Variants in DEFB110 observed in about 807,000 individuals in gnomAD.
DEFB110 encodes the protein beta-defensin 110.
A neutral mutation model predicts 2.5 loss-of-function variants in DEFB110; 4 were observed. The observed-to-expected ratio is 1.60, with a 90% CI of 0.79 to 3.66. The LOEUF is 3.66. Among genes scored for constraint, DEFB110 ranks in the 30% most tolerant of loss-of-function variants. DEFB110 has a pLI of 0.01. For missense variants in DEFB110, 94 were observed against 75.4 expected (o/e 1.25, Z -0.91); for synonymous variants, 29 against 21.8 (o/e 1.33, Z -0.92).
chr6:50,009,154 C>G, exon 2 of DEFB110: 1 of 1,610,368 alleles, frequency 6.2e-7, no homozygotes, highest in Non-Finnish European at 8.5e-7. Flanking sequence ...GCAGCACTGA[C>G]TTCTCCATTT....
At chr6:50,011,874 T>A (rs1774234490) in intron 1 of DEFB110, among the ~76,000 whole-genome samples, 1 of 152,026 alleles carries the variant, frequency 6.6e-6, no homozygotes, top group African/African-American at 2.4e-5. Context: ...AGGCCGTGGG[T>A]CAGTTGAAAG....
chr6:50,016,100 G>A (rs1456371576), downstream of DEFB110, among the ~76,000 whole-genome samples: 1 of 151,728 alleles, frequency 6.6e-6, no homozygotes, highest in African/African-American at 2.4e-5. Flanking sequence ...TTGCTAATTG[G>A]AATTAGATTT....
chr6:50,010,003 C>G (rs1582362594), intron 1 of DEFB110, among the ~76,000 whole-genome samples: 1 of 151,992 alleles, frequency 6.6e-6, no homozygotes, highest in South Asian at 2.1e-4. Flanking sequence ...TTTATTGTTC[C>G]TAGTGATACA....
chr6:50,021,969 A>T lies in DEFB110; in HGVS notation c.-34T>A. On this transcript the variant is annotated 5_prime_UTR_variant, in exon 1 of 2. Coordinates refer to ENST00000371148, the MANE Select transcript of DEFB110 (RefSeq NM_001037497.2). The stretch of plus-strand genomic sequence containing the variant: ...GTTTCTTAAAAAAAGGGGGCAACAG[A>T]CCTCCTTTTTCAAGTCAGTTGTTTT... 6.7e-7 allele frequency: 1 copy of T among 1,503,596 alleles called. No homozygotes were observed. The highest frequency in any genetic ancestry group is 2.5e-5 in the East Asian group (1 of 40,388). The allele number at this position is 1,503,596 out of a possible 1,614,324, so 93.1% of individuals were successfully genotyped here. A position where few individuals can be genotyped will look rare whatever the true frequency, so the allele number is the denominator to read the frequency against.
intron 1 of DEFB110, among the ~76,000 whole-genome samples, chr6:50,011,445 T>C (rs1299890581): frequency 6.6e-6 from 1 of 152,048 alleles, no homozygotes; most frequent in East Asian, 1.9e-4. Context: ...TTTGGGGCCT[T>C]AGTCAGGAGA....
chr6:50,010,384 G>C (rs1455388701), intron 1 of DEFB110, among the ~76,000 whole-genome samples: 1 of 151,748 alleles, frequency 6.6e-6, no homozygotes. Flanking sequence ...TTAGTACCTA[G>C]TATTCACCAG....
Position 50,018,951 on chromosome 6 carries a change from C to G in DEFB110, c.*26G>C. 2 of 1,598,760 alleles carry G rather than the reference C, an allele frequency of 1.3e-6. No individual in the cohort carries two copies. Among genetic ancestry groups the G allele is most frequent in the South Asian group, 1.1e-5 (1 of 88,514 alleles). ...ATAACGCTGGTCTCTCTTCTTGGAG[C>G]TTGTGACTCTTTTCTTCTGTCATCG... is the stretch of plus-strand genomic sequence containing the variant. On this transcript the variant is annotated 3_prime_UTR_variant, in exon 2 of 2. Coordinates refer to ENST00000371148, the MANE Select transcript of DEFB110 (RefSeq NM_001037497.2).
chr6:50,020,388 A>G (rs1774398730), intron 1 of DEFB110, among the ~76,000 whole-genome samples: 1 of 151,566 alleles, frequency 6.6e-6, no homozygotes, highest in Admixed American at 6.6e-5. Flanking sequence ...TTTATTTTAT[A>G]TTTTAAATTG....
chr6:50,016,690 T>C (rs1159108712), downstream of DEFB110, among the ~76,000 whole-genome samples: 1 of 151,786 alleles, frequency 6.6e-6, no homozygotes, highest in African/African-American at 2.4e-5. Context: ...TCAGTCTTTT[T>C]TTCACGCAGA....
intron 1 of DEFB110, chr6:50,009,353 C>G: frequency 7.0e-7 from 1 of 1,428,340 alleles, no homozygotes; most frequent in Non-Finnish European, 9.3e-7. Context: ...AAAAACTGTT[C>G]CAGTTATGAG....
chr6:50,018,082 AG>A (rs1488552717), downstream of DEFB110, among the ~76,000 whole-genome samples: 1 of 151,962 alleles, frequency 6.6e-6, no homozygotes, highest in African/African-American at 2.4e-5. Flanking sequence ...TAATATAATT[AG>A]CTCTTCTAAA....
chr6:50,011,961 A>G (rs1774235780), intron 1 of DEFB110, among the ~76,000 whole-genome samples: 1 of 152,080 alleles, frequency 6.6e-6, no homozygotes, highest in African/African-American at 2.4e-5. Flanking sequence ...ATTTTGCTAT[A>G]TAGCACAAAT....
downstream of DEFB110, among the ~76,000 whole-genome samples, chr6:50,014,535 T>C (rs916911107): frequency 6.6e-6 from 1 of 151,846 alleles, no homozygotes; most frequent in Non-Finnish European, 1.5e-5. Flanking sequence ...CAAAGTCATA[T>C]GTGTTCAAAC....
At chr6:50,019,238 T>A in intron 1 of DEFB110, 113 bp from the exon 2 acceptor site, 1 of 1,130,168 alleles carries the variant, frequency 8.8e-7, no homozygotes, top group Non-Finnish European at 1.2e-6. Flanking sequence ...TCCACCTACC[T>A]ATGGAGGAAA....
At position 50,020,441 on chromosome 6, in the gene DEFB110, CT is replaced by C. The variant is rs370189327; in HGVS notation, c.56-1317del. On this transcript the variant is annotated intron_variant, in intron 1 of 1. Coordinates refer to ENST00000371148, the MANE Select transcript of DEFB110 (RefSeq NM_001037497.2). ...TTTCAGAAGTCATTTGTTTTGTAGC[CT>C]TTTTTTTTTGTATACACATCAAATT... 7.5e-4 allele frequency among the ~76,000 whole-genome samples: 110 copies of C among 146,196 alleles called. 1 individual carries two copies. The highest frequency in any genetic ancestry group is 1.8e-3 in the East Asian group (9 of 5,040).
rs114357712 is a variant in DEFB110, at chr6:50,012,592, A to G, written c.56-3321T>C. ...TTGTGTGGCAATCAAATGAGGTAAT[A>G]CATAAGGAAAAATTGTTTGGCCCAT... is the stretch of plus-strand genomic sequence containing the variant. On this transcript the variant is annotated intron_variant, in intron 1 of 1. Transcript: ENST00000393660. Among the ~76,000 whole-genome samples, 1,328 of 152,108 alleles carry G rather than the reference A, an allele frequency of 8.7e-3. 30 individuals carry two copies. The highest frequency in any genetic ancestry group is 0.03 in the African/African-American group (1,247 of 41,544).
At position 50,019,692 on chromosome 6, in the gene DEFB110, T is replaced by C. The variant is rs551365603; in HGVS notation, c.56-567A>G. ...ACAACATTGATAAAGAAAAAAAAAG[T>C]GGAGCCATTGTTAACCATTACATGA... On this transcript the variant is annotated intron_variant, in intron 1 of 1. Transcript: ENST00000371148. 1.3e-3 allele frequency among the ~76,000 whole-genome samples: 193 copies of C among 151,994 alleles called. 4 individuals are homozygous for C. Among genetic ancestry groups the C allele is most frequent in the Non-Finnish European group, 4.4e-4 (30 of 67,954 alleles).
chr6:50,009,701 A>G (rs1381623951), intron 1 of DEFB110, among the ~76,000 whole-genome samples: 3 of 152,194 alleles, frequency 2.0e-5, no homozygotes, highest in Admixed American at 6.6e-5. Context: ...TCACACAAAT[A>G]GTAATCATAG....
At chr6:50,020,198 C>T (rs1158658282) in intron 1 of DEFB110, among the ~76,000 whole-genome samples, 1 of 151,526 alleles carries the variant, frequency 6.6e-6, no homozygotes, top group Non-Finnish European at 1.5e-5. Flanking sequence ...TTGTAATAGT[C>T]AAAGCTGTAA....
Sources: gnomAD v4.1 joint callset for allele counts (sites outside exome capture counted in the v4.1 genomes callset) on GRCh38, gnomAD v4.1.1 for gene constraint, MANE v1.5 for transcripts, NCBI Gene and HGNC (gene_info 2026-07-23, HGNC 2026-07-21) for gene names.